The following SPOCK1 variants were observed in gnomAD, a reference collection of about 807,000 sequenced individuals.
SPOCK1 encodes SPARC (osteonectin), cwcv and kazal like domains proteoglycan 1, also known as testican-1.
In SPOCK1, 23 loss-of-function variants were observed where a neutral mutation model predicts 55.3. The observed-to-expected ratio is 0.42, with a 90% CI of 0.30 to 0.59. The LOEUF (loss-of-function observed/expected upper bound fraction) is 0.59, where lower values mean the gene tolerates loss of function less well. Among genes scored for constraint, SPOCK1 ranks in the 20% least tolerant of loss-of-function variants. The pLI is 0.22. For missense variants in SPOCK1, 499 were observed against 552.5 expected, an observed-to-expected ratio of 0.90 and a Z score of 0.97; for synonymous variants, 226 against 221.0, an observed-to-expected ratio of 1.02 and a Z score of -0.20.
At chr5:137,474,857 C>CA (rs1465636559) in intron 2 of SPOCK1, among the ~76,000 whole-genome samples, 2 of 151,830 alleles carry the variant, frequency 1.3e-5, no homozygotes, top group Admixed American at 6.6e-5. Flanking sequence ...AAAATACTAG[C>CA]AAAAAAATAT....
At chr5:137,490,636 C>G (rs1353654902) in intron 2 of SPOCK1, among the ~76,000 whole-genome samples, 1 of 152,194 alleles carries the variant, frequency 6.6e-6, no homozygotes, top group Non-Finnish European at 1.5e-5. Context: ...TAAAGTGACA[C>G]CAAGTAGTGC....
intron 2 of SPOCK1, among the ~76,000 whole-genome samples, chr5:137,314,439 C>T (rs1222674482): frequency 7.2e-5 from 11 of 152,162 alleles, no homozygotes; most frequent in Non-Finnish European, 8.8e-5. Context: ...GGACTTGGCA[C>T]ATAACAAACC....
chr5:137,445,234 C>G (rs558088054), intron 2 of SPOCK1, among the ~76,000 whole-genome samples: 1 of 152,148 alleles, frequency 6.6e-6, no homozygotes, highest in Non-Finnish European at 1.5e-5. Context: ...TTCACAAATT[C>G]TCTGCCCATT....
rs142082724 is a variant in SPOCK1, at chr5:137,243,767, T to C, written c.232+23243A>G. 1.8e-4 allele frequency among the ~76,000 whole-genome samples: 28 copies of C among 152,286 alleles called. No homozygotes were observed. In the East Asian group the frequency reaches 4.6e-3, roughly 25 times the overall value. On this transcript the variant is annotated intron_variant, in intron 3 of 10. Coordinates refer to ENST00000394945, the MANE Select transcript of SPOCK1 (RefSeq NM_004598.4). ...GACTGAACATGGCTAGCTGCAGGTA[T>C]GAGACCTCCAGTTCTAATCACTGCA...
chr5:137,394,817 G>C (rs931962511), intron 2 of SPOCK1, among the ~76,000 whole-genome samples: 9 of 152,166 alleles, frequency 5.9e-5, no homozygotes, highest in Non-Finnish European at 1.2e-4. Flanking sequence ...AGTCTGTAAG[G>C]CTCATTAAAT....
At chr5:137,219,192 A>C (rs1392777611) in intron 3 of SPOCK1, among the ~76,000 whole-genome samples, 3 of 152,204 alleles carry the variant, frequency 2.0e-5, no homozygotes, top group Non-Finnish European at 4.4e-5. Flanking sequence ...CTTTGTGTGA[A>C]CCTGAATTAA....
intron 2 of SPOCK1, among the ~76,000 whole-genome samples, chr5:137,385,782 ACT>A (rs1460811034): frequency 6.6e-6 from 1 of 152,094 alleles, no homozygotes; most frequent in Non-Finnish European, 1.5e-5. Flanking sequence ...CTGAACACAT[ACT>A]CTGCCAGGTT....
intron 2 of SPOCK1, among the ~76,000 whole-genome samples, chr5:137,491,103 C>T (rs759817004): frequency 1.3e-5 from 2 of 152,190 alleles, no homozygotes; most frequent in Non-Finnish European, 2.9e-5. Flanking sequence ...ACTCAGTCCT[C>T]CCCCAGAGCC....
At chr5:137,420,438 T>C (rs1168716554) in intron 2 of SPOCK1, among the ~76,000 whole-genome samples, 1 of 152,188 alleles carries the variant, frequency 6.6e-6, no homozygotes, top group Admixed American at 6.5e-5. Flanking sequence ...GACTTTTTTT[T>C]GGTTGGTAAG....
At chr5:137,101,242 T>C (rs1377921597) in intron 5 of SPOCK1, among the ~76,000 whole-genome samples, 3 of 152,262 alleles carry the variant, frequency 2.0e-5, no homozygotes, top group Non-Finnish European at 4.4e-5. Flanking sequence ...TATAGCACTG[T>C]GTCTATTCAT....
At chr5:137,004,621 TAAC>T (rs1489841401) in intron 6 of SPOCK1, among the ~76,000 whole-genome samples, 2 of 152,126 alleles carry the variant, frequency 1.3e-5, no homozygotes, top group Non-Finnish European at 1.5e-5. Flanking sequence ...ATCCAGTATC[TAAC>T]AACACAGCAT....
At chr5:137,230,680 C>A (rs1156740122) in intron 3 of SPOCK1, among the ~76,000 whole-genome samples, 1 of 152,168 alleles carries the variant, frequency 6.6e-6, no homozygotes, top group Non-Finnish European at 1.5e-5. Flanking sequence ...CCTGTTTGAT[C>A]ATTTTGAATA....
At chr5:137,317,029 G>A (rs562510271) in intron 2 of SPOCK1, among the ~76,000 whole-genome samples, 2 of 152,286 alleles carry the variant, frequency 1.3e-5, no homozygotes, top group South Asian at 4.2e-4. Context: ...TGGCCACTCA[G>A]CTAGGAAGAT....
intron 6 of SPOCK1, among the ~76,000 whole-genome samples, chr5:136,997,259 C>A (rs1461705406): frequency 6.6e-6 from 1 of 152,192 alleles, no homozygotes; most frequent in Non-Finnish European, 1.5e-5. Flanking sequence ...AGGGCAAACA[C>A]TTGGGAATTG....
At chr5:137,280,137 G>A (rs552250133) in intron 2 of SPOCK1, among the ~76,000 whole-genome samples, 2 of 152,246 alleles carry the variant, frequency 1.3e-5, no homozygotes, top group Admixed American at 1.3e-4. Flanking sequence ...AAGCGGAAGA[G>A]GAACAACCAG....
chr5:137,356,873 A>AGAGAGAGAGTGAGT (rs796667572), intron 2 of SPOCK1, among the ~76,000 whole-genome samples: 2 of 69,830 alleles, frequency 2.9e-5, no homozygotes, highest in African/African-American at 1.5e-4. Context: ...AGAGAGAGAG[A>AGAGAGAGAGTGAGT]GAGTATGCAG....
At chr5:137,435,821 CTTAATT>C in intron 2 of SPOCK1, among the ~76,000 whole-genome samples, 1 of 151,170 alleles carries the variant, frequency 6.6e-6, no homozygotes, top group South Asian at 2.1e-4. Flanking sequence ...TTACCAGCAT[CTTAATT>C]TTAATTTCTT....
intron 3 of SPOCK1, among the ~76,000 whole-genome samples, chr5:137,207,162 A>G (rs1755533291): frequency 6.6e-6 from 1 of 152,232 alleles, no homozygotes; most frequent in South Asian, 2.1e-4. Context: ...ATCCAGGTAC[A>G]GAACCCCGAG....
chr5:137,058,541 C>A (rs1752339464), intron 6 of SPOCK1, among the ~76,000 whole-genome samples: 1 of 152,150 alleles, frequency 6.6e-6, no homozygotes, highest in African/African-American at 2.4e-5. Context: ...ATTCATTTGA[C>A]ATTTGTCAGT....
Sources: gnomAD v4.1 joint callset for allele counts (sites outside exome capture counted in the v4.1 genomes callset) on GRCh38, gnomAD v4.1.1 for gene constraint, MANE v1.5 for transcripts, NCBI Gene and HGNC (gene_info 2026-07-23, HGNC 2026-07-21) for gene names.